SPPL2B: variants seen among roughly 807,000 people sequenced by gnomAD.
SPPL2B encodes the protein signal peptide peptidase like 2B, also known as signal peptide peptidase-like 2B.
A neutral mutation model predicts 59.7 loss-of-function variants in SPPL2B; 39 were observed. The ratio of observed to expected loss-of-function variants is 0.65; its 90% confidence interval spans 0.51 to 0.85. The LOEUF (loss-of-function observed/expected upper bound fraction) is 0.85. SPPL2B is among the 40% of genes least tolerant of loss of function. The pLI, the probability that SPPL2B is intolerant of heterozygous loss-of-function variation, is 0.00. For synonymous variants in SPPL2B, 419 were observed against 370.8 expected (o/e 1.13, Z -1.49); for missense variants, 865 against 849.0 (o/e 1.02, Z -0.23).
At chr19:2,351,616 C>G (rs1290014945) in intron 14 of SPPL2B, 22 bp downstream of exon 14, 9 of 1,592,602 alleles carry the variant, frequency 5.7e-6, no homozygotes, top group Non-Finnish European at 7.7e-6. Context: ...TTTGCTCTGA[C>G]TGTGAGAAAT....
chr19:2,335,747 T>G (rs1375695746), intron 2 of SPPL2B, among the ~76,000 whole-genome samples: 1 of 150,888 alleles, frequency 6.6e-6, no homozygotes, highest in Admixed American at 6.6e-5. Context: ...CCTTTCCCAC[T>G]GAGTCCCTCA....
Position 2,334,660 on chromosome 19 carries a change from A to ATCTT in SPPL2B, c.125_126insTCTT (p.Lys42AsnfsTer62). ...TCCCAGGCCGGGGGCCCCGAAGGCAAAGACTACTGCATCCTCTACAACCCG... is the reference window on the plus strand; with the variant it reads ...TCCCAGGCCGGGGGCCCCGAAGGCAATCTTAGACTACTGCATCCTCTACAACCCG... On this transcript the variant is annotated frameshift_variant, in exon 2 of 15. Transcript: ENST00000613503. LOFTEE classifies it high-confidence loss of function. The ATCTT allele has an allele frequency of 6.2e-7, 1 of 1,612,982 alleles. No individual in the cohort carries two copies.
intron 2 of SPPL2B, among the ~76,000 whole-genome samples, chr19:2,335,980 CAT>C (rs146667616): frequency 5.3e-5 from 8 of 152,004 alleles, no homozygotes; most frequent in South Asian, 2.1e-4. Flanking sequence ...TGTGTGAACA[CAT>C]AGGTGTGTGT....
rs537319430 is a variant in SPPL2B, at chr19:2,332,021, C to G, written c.67-2581C>G. Among the ~76,000 whole-genome samples, 275 of 152,358 alleles carry G rather than the reference C, an allele frequency of 1.8e-3. 2 individuals are homozygous for G. The highest frequency in any genetic ancestry group is 6.4e-3 in the African/African-American group (266 of 41,588). ...AAGGGGCACCCTCCGGGCTCGGCAC[C>G]GGGGCCAGACTAAGGGGTGCTCTCA... On this transcript the variant is annotated intron_variant, in intron 1 of 14. Coordinates refer to ENST00000613503, the MANE Select transcript of SPPL2B (RefSeq NM_152988.3). This position sits in a 1 kb window ranked among gnomAD's most constrained non-coding sequence, Gnocchi z 4.6.
In SPPL2B at chr19:2,351,475, C is replaced by T; in HGVS notation, c.1396C>T (p.Leu466=). The T allele has an allele frequency of 6.2e-7, 1 of 1,609,898 alleles. No homozygotes were observed. Among genetic ancestry groups the T allele is most frequent in the Non-Finnish European group, 8.5e-7 (1 of 1,179,138 alleles). ...CCTTGTGACATTCGTGGCACTGGCCCTGATGCAGCGTGGCCAGCCCGCTCT... is the reference window on the plus strand; with the variant it reads ...CCTTGTGACATTCGTGGCACTGGCCTTGATGCAGCGTGGCCAGCCCGCTCT... ...GLLVTFVALA[L]MQRGQPALLY... The change falls in exon 14 of 15, where the codon CTG becomes TTG. Residue 466 remains leucine, a synonymous_variant. Coordinates refer to ENST00000613503, the MANE Select transcript of SPPL2B (RefSeq NM_152988.3).
intron 8 of SPPL2B, 41 bp downstream of exon 8, chr19:2,341,055 C>A: frequency 6.9e-7 from 1 of 1,444,370 alleles, no homozygotes; most frequent in Non-Finnish European, 9.6e-7. Context: ...GCAGCGGAGT[C>A]CTCGGGTGCA....
At position 2,332,723 on chromosome 19, in the gene SPPL2B, G is replaced by A. The variant is rs1192874378; in HGVS notation, c.67-1879G>A. 1.3e-5 allele frequency among the ~76,000 whole-genome samples: 2 copies of A among 152,168 alleles called. No homozygotes were observed. Among genetic ancestry groups the A allele is most frequent in the African/African-American group, 4.8e-5 (2 of 41,430 alleles). On this transcript the variant is annotated intron_variant, in intron 1 of 14. Transcript: ENST00000613503. This position sits in a 1 kb window ranked among gnomAD's most constrained non-coding sequence, Gnocchi z 4.6. ...TGGGTCTCCTTGGTCCCTGGCACGT[G>A]GTTTTTCTTCTGGGACCCCTCCTCC...
chr19:2,351,107 GCCC>G (rs1366384519), intron 13 of SPPL2B, among the ~76,000 whole-genome samples: 13 of 152,192 alleles, frequency 8.5e-5, no homozygotes, highest in Non-Finnish European at 2.9e-5. Flanking sequence ...ACGTCTCGCA[GCCC>G]CCTCCGCTAT....
intron 13 of SPPL2B, among the ~76,000 whole-genome samples, chr19:2,346,377 C>T (rs1052602246): frequency 9.9e-5 from 15 of 152,250 alleles, no homozygotes; most frequent in African/African-American, 2.4e-4. Context: ...TTTAAAATCA[C>T]GGCTGAGGCC....
rs141342141 is a variant in SPPL2B at position 2,334,739 on chromosome 19, G to A, written c.186+18G>A. ...GCAAGGCAGTGAGTACCCGCTGGCC[G>A]GGCGCCGCTGCGGAGGAGAATGCGG... On this transcript the variant is annotated intron_variant, in intron 2 of 14. Transcript: ENST00000613503. 511 of 1,549,630 alleles carry A rather than the reference G, an allele frequency of 3.3e-4. 3 individuals carry two copies. In the African/African-American group the frequency reaches 4.8e-3, roughly 15 times the overall value.
rs11546830 is a variant in SPPL2B at position 2,334,706 on chromosome 19, C to T, written c.171C>T (p.His57=). 61 of 1,608,296 alleles carry T rather than the reference C, an allele frequency of 3.8e-5. No individual in the cohort carries two copies. Among genetic ancestry groups the T allele is most frequent in the African/African-American group, 2.5e-4 (19 of 74,848 alleles). ...ACCCGCAGTGGGCCCATCTTCCGCA[C>T]GACCTCAGCAAGGCAGTGAGTACCC... ...LYNPQWAHLP[H]DLSKASFLQL... The change falls in exon 2 of 15, where the codon CAC becomes CAT. Residue 57 remains histidine, a synonymous_variant. Coordinates refer to ENST00000613503, the MANE Select transcript of SPPL2B (RefSeq NM_152988.3).
intron 13 of SPPL2B, among the ~76,000 whole-genome samples, chr19:2,346,379 G>T (rs974604389): frequency 5.9e-5 from 9 of 152,246 alleles, no homozygotes; most frequent in African/African-American, 1.2e-4. Flanking sequence ...TAAAATCACG[G>T]CTGAGGCCGG....
At chr19:2,343,129 G>T in intron 8 of SPPL2B, 82 bp from the exon 9 acceptor site, 2 of 1,106,556 alleles carry the variant, frequency 1.8e-6, no homozygotes, top group Admixed American at 2.0e-5. Context: ...TGAGAGCAAG[G>T]GCCCTGTGTG....
intron 6 of SPPL2B, 41 bp from the exon 7 acceptor site, chr19:2,340,035 G>T: frequency 6.4e-7 from 1 of 1,565,326 alleles, no homozygotes; most frequent in Non-Finnish European, 8.6e-7. Context: ...GGAGGGTGGC[G>T]TGCGGGCCTG....
rs538857381 is a variant in SPPL2B at position 2,332,265 on chromosome 19, C to G, written c.67-2337C>G. On this transcript the variant is annotated intron_variant, in intron 1 of 14. Coordinates refer to ENST00000613503, the MANE Select transcript of SPPL2B (RefSeq NM_152988.3). The surrounding 1 kb of genome is among the most constrained non-coding windows in gnomAD (Gnocchi z 4.6). ...ACCCCGAGGTCACCAGGGCCTTGAC[C>G]CAGATGCTCCCAGACCAGGCCGGAG... is the stretch of plus-strand genomic sequence containing the variant. 1.3e-5 allele frequency among the ~76,000 whole-genome samples: 2 copies of G among 152,282 alleles called. No individual in the cohort carries two copies. Among genetic ancestry groups the G allele is most frequent in the East Asian group, 3.9e-4 (2 of 5,178 alleles).
At chr19:2,339,659 C>G (rs60938029) in intron 5 of SPPL2B, 165 bp from the exon 6 acceptor site, 4 of 757,952 alleles carry the variant, frequency 5.3e-6, no homozygotes, top group African/African-American at 1.7e-5. Context: ...TGTGTGGTCT[C>G]CTCTGCCCTG....
chr19:2,337,717 C>G (rs112810134), intron 3 of SPPL2B, 92 bp downstream of exon 3: 2 of 1,258,012 alleles, frequency 1.6e-6, no homozygotes, highest in African/African-American at 3.0e-5. Flanking sequence ...GCTGGTCTTC[C>G]GACTTCTCGC....
rs936726248 is a variant in SPPL2B, at chr19:2,328,687, G to A, written c.-23G>A. ...GCGTTGCTGGGAAACATCTGCCGTT[G>A]GTTGCGGCGGGCACCGGCCGACATG... On this transcript the variant is annotated 5_prime_UTR_variant, in exon 1 of 15. Coordinates refer to ENST00000613503, the MANE Select transcript of SPPL2B (RefSeq NM_152988.3). 2.1e-6 allele frequency: 3 copies of A among 1,434,642 alleles called. No individual in the cohort carries two copies. Among genetic ancestry groups the A allele is most frequent in the African/African-American group, 3.0e-5 (2 of 66,610 alleles). 88.9% of individuals were successfully genotyped at this position (1,434,642 alleles called of 1,614,324 possible).
chr19:2,338,879 G>A (rs774839183), intron 4 of SPPL2B, 38 bp downstream of exon 4: 2 of 1,595,846 alleles, frequency 1.3e-6, no homozygotes, highest in South Asian at 2.2e-5. Context: ...CTCCCGAGGA[G>A]ATGGGGCAGG....
Sources: allele counts gnomAD v4.1 joint callset (sites outside exome capture counted in the v4.1 genomes callset), GRCh38; gene constraint gnomAD v4.1.1; non-coding constraint Gnocchi (gnomAD v3.1); transcripts MANE v1.5; gene names NCBI Gene and HGNC (gene_info 2026-07-23, HGNC 2026-07-21).